PRKD3: variants seen among roughly 807,000 people sequenced by gnomAD.
The protein encoded by PRKD3 is protein kinase D3.
Under a neutral mutation model 99.2 loss-of-function variants are expected in PRKD3, and 47 were observed. The observed-to-expected ratio is 0.47, with a 90% CI of 0.38 to 0.60. The LOEUF (loss-of-function observed/expected upper bound fraction) is 0.60. PRKD3 is among the 20% of genes least tolerant of loss of function. The pLI is 0.00. For missense variants in PRKD3, 1,019 were observed against 1,088.4 expected (o/e 0.94, Z 0.90); for synonymous variants, 392 against 355.4 (o/e 1.10, Z -1.16).
chr2:37,293,572 C>T (rs1383779888), intron 2 of PRKD3, among the ~76,000 whole-genome samples: 1 of 152,206 alleles, frequency 6.6e-6, no homozygotes, highest in African/African-American at 2.4e-5. Flanking sequence ...CTTAAACTTA[C>T]TGCTACTCCA....
At chr2:37,271,065 A>G (rs1669227805) in intron 12 of PRKD3, among the ~76,000 whole-genome samples, 1 of 152,094 alleles carries the variant, frequency 6.6e-6, no homozygotes, top group Non-Finnish European at 1.5e-5. Flanking sequence ...TTCTATCTCC[A>G]ATAACACTAC....
chr2:37,303,699 C>G (rs1671039539), intron 2 of PRKD3, among the ~76,000 whole-genome samples: 1 of 152,220 alleles, frequency 6.6e-6, no homozygotes, highest in East Asian at 1.9e-4. Flanking sequence ...AAGAAAAATC[C>G]TACATCACTG....
chr2:37,266,949 T>G (rs1040284195), intron 14 of PRKD3, among the ~76,000 whole-genome samples: 1 of 152,238 alleles, frequency 6.6e-6, no homozygotes, highest in African/African-American at 2.4e-5. Flanking sequence ...GTAAAAATGC[T>G]AGATGAAAAA....
At chr2:37,298,267 C>G (rs1169021575) in intron 2 of PRKD3, among the ~76,000 whole-genome samples, 2 of 152,148 alleles carry the variant, frequency 1.3e-5, no homozygotes, top group Non-Finnish European at 2.9e-5. Context: ...TTCTCAGAAT[C>G]CTTCTGAAAA....
At chr2:37,262,903 C>T (rs531212435) in intron 14 of PRKD3, among the ~76,000 whole-genome samples, 9 of 120,298 alleles carry the variant, frequency 7.5e-5, no homozygotes, top group African/African-American at 2.8e-4. Flanking sequence ...CTTCCCCCCC[C>T]CGTATTTGTG....
At position 37,267,454 on chromosome 2, in the gene PRKD3, G is replaced by T. The variant is rs1368839914; in HGVS notation, c.1860C>A (p.Leu620=). 6.2e-7 allele frequency: 1 copy of T among 1,605,388 alleles called. No homozygotes were observed. The highest frequency in any genetic ancestry group is 8.5e-7 in the Non-Finnish European group (1 of 1,174,350). The change falls in exon 14 of 19, where the codon CTC becomes CTA. Residue 620 remains leucine, a synonymous_variant. Transcript: ENST00000234179. The part of the protein sequence containing the change: ...MRFPTKQESQ[L]RNEVAILQNL... The stretch of plus-strand genomic sequence containing the variant: ...CCTGTAAAATAGCCACTTCATTACG[G>T]AGTTGACTTTCTTGTTTTGTGGGGA...
At chr2:37,305,330 T>G (rs1671109601) in intron 2 of PRKD3, among the ~76,000 whole-genome samples, 1 of 152,222 alleles carries the variant, frequency 6.6e-6, no homozygotes, top group African/African-American at 2.4e-5. Context: ...CCAAATGTTT[T>G]AAATCAGCTA....
chr2:37,271,227 T>A (rs573686970), intron 12 of PRKD3, among the ~76,000 whole-genome samples: 1 of 152,132 alleles, frequency 6.6e-6, no homozygotes, highest in Non-Finnish European at 1.5e-5. Context: ...TTTTCTAGCC[T>A]GTTTTCTCTC....
intron 1 of PRKD3, among the ~76,000 whole-genome samples, chr2:37,319,094 T>C (rs1671774358): frequency 6.6e-6 from 1 of 152,180 alleles, no homozygotes; most frequent in Non-Finnish European, 1.5e-5. Context: ...ACTTTATACA[T>C]ATTACCTCAT....
At chr2:37,270,484 GC>G (rs1200867669) in intron 12 of PRKD3, among the ~76,000 whole-genome samples, 2 of 151,494 alleles carry the variant, frequency 1.3e-5, no homozygotes, top group Non-Finnish European at 2.9e-5. Flanking sequence ...ACTGCTCTTC[GC>G]CCCCTTCCCT....
At position 37,260,117 on chromosome 2, in the gene PRKD3, T is replaced by A. The variant is rs1016047850; in HGVS notation, c.2046+106A>T. The A allele has an allele frequency of 9.8e-6, 10 of 1,017,406 alleles. No homozygotes were observed. In the East Asian group the frequency reaches 1.6e-4, roughly 16 times the overall value. 63.0% of individuals were successfully genotyped at this position (1,017,406 alleles called of 1,614,324 possible). A position where few individuals can be genotyped will look rare whatever the true frequency, so the allele number is the denominator to read the frequency against. ...GAGGCAGAGGTTGCAGTGAGCCAGA[T>A]TGCACCACTGCACTCCAGCCCAGGT... On this transcript the variant is annotated intron_variant, in intron 15 of 18. Transcript: ENST00000234179.
At chr2:37,288,189 A>G (rs1039510308) in intron 5 of PRKD3, among the ~76,000 whole-genome samples, 4 of 152,174 alleles carry the variant, frequency 2.6e-5, no homozygotes, top group African/African-American at 9.7e-5. Context: ...GGCTCTTGAC[A>G]TACCTCTATT....
At chr2:37,297,322 C>T in intron 2 of PRKD3, among the ~76,000 whole-genome samples, 1 of 152,134 alleles carries the variant, frequency 6.6e-6, no homozygotes, top group East Asian at 1.9e-4. Flanking sequence ...TGTATATACT[C>T]TTTAAAAATA....
chr2:37,271,666 C>T (rs537201898), intron 12 of PRKD3, among the ~76,000 whole-genome samples: 1 of 152,314 alleles, frequency 6.6e-6, no homozygotes, highest in African/African-American at 2.4e-5. Flanking sequence ...GCAAACCCTA[C>T]TGTGAACTGT....
chr2:37,257,582 C>T (rs1358467750), intron 16 of PRKD3, among the ~76,000 whole-genome samples: 3 of 142,082 alleles, frequency 2.1e-5, no homozygotes, highest in Admixed American at 7.9e-5. Context: ...AGGAGAATGG[C>T]GTGAACCCAG....
chr2:37,313,962 G>T (rs1276177273), intron 2 of PRKD3, among the ~76,000 whole-genome samples: 2 of 152,062 alleles, frequency 1.3e-5, no homozygotes, highest in Admixed American at 6.5e-5. Context: ...TATTGAAAAA[G>T]GGATCAATAT....
At position 37,272,311 on chromosome 2, in the gene PRKD3, A is replaced by G. The variant is rs575038159; in HGVS notation, c.1704+69T>C. On this transcript the variant is annotated intron_variant, in intron 12 of 18. Transcript: ENST00000234179. ...GGGCGATGAACCAATTTCTCTAATAAAGATTTTCACCTTTTATTTTCCTTA... is the reference window on the plus strand; with the variant it reads ...GGGCGATGAACCAATTTCTCTAATAGAGATTTTCACCTTTTATTTTCCTTA... 2.7e-5 allele frequency: 42 copies of G among 1,570,120 alleles called. No homozygotes were observed. In the South Asian group the frequency reaches 4.3e-4, roughly 16 times the overall value.
At position 37,259,592 on chromosome 2, in the gene PRKD3, T is replaced by C. The variant is rs766325630; in HGVS notation, c.2136A>G (p.Pro712=). The part of the protein sequence containing the change: ...PENVLLASAE[P]FPQVKLCDFG... Reference sequence around the variant, plus strand: ...CTGGAGAATATCTCACCTGAGGAAATGGCTCTGCTGATGCAAGCAGCACAT... The same window carrying C: ...CTGGAGAATATCTCACCTGAGGAAACGGCTCTGCTGATGCAAGCAGCACAT... Residue 712 remains proline (P), a synonymous_variant, in exon 16 of 19, where the codon CCA becomes CCG. Transcript: ENST00000234179. 1.1e-5 allele frequency: 18 copies of C among 1,609,568 alleles called. No homozygotes were observed. Among genetic ancestry groups the C allele is most frequent in the Non-Finnish European group, 1.4e-5 (17 of 1,176,194 alleles).
At chr2:37,294,680 T>G (rs1423203378) in intron 2 of PRKD3, among the ~76,000 whole-genome samples, 1 of 152,128 alleles carries the variant, frequency 6.6e-6, no homozygotes, top group East Asian at 1.9e-4. Flanking sequence ...AAAATTAAAA[T>G]TTTACTAAAT....
Sources: gnomAD v4.1 joint callset for allele counts (sites outside exome capture counted in the v4.1 genomes callset) on GRCh38, gnomAD v4.1.1 for gene constraint, MANE v1.5 for transcripts, NCBI Gene and HGNC (gene_info 2026-07-23, HGNC 2026-07-21) for gene names.